Variants in MBOAT2 observed in about 807,000 individuals in gnomAD.
The protein encoded by MBOAT2 is membrane-bound glycerophospholipid O-acyltransferase 2.
Under a neutral mutation model 63.4 loss-of-function variants are expected in MBOAT2, and 28 were observed. That is an observed-to-expected ratio of 0.44 (90% CI 0.33 to 0.61). MBOAT2 has a LOEUF of 0.61. Ranked by LOEUF, MBOAT2 falls within the 20% of genes least tolerant of loss-of-function variation. MBOAT2 has a pLI of 0.03. For synonymous variants in MBOAT2, 211 were observed against 215.6 expected, an observed-to-expected ratio of 0.98 and a Z score of 0.19; for missense variants, 470 against 605.8, an observed-to-expected ratio of 0.78 and a Z score of 2.35.
At chr2:8,944,371 A>G (rs967242165) in intron 2 of MBOAT2, among the ~76,000 whole-genome samples, 2 of 152,198 alleles carry the variant, frequency 1.3e-5, no homozygotes, top group African/African-American at 2.4e-5. Flanking sequence ...AATTTAAAAT[A>G]AAATTTTCGA....
intron 4 of MBOAT2, among the ~76,000 whole-genome samples, chr2:8,893,848 C>T (rs531881411): frequency 5.9e-5 from 9 of 152,208 alleles, no homozygotes; most frequent in African/African-American, 2.2e-4. Context: ...CAAGGAGAGA[C>T]ACTGGGATAA....
chr2:8,949,108 T>G (rs375555461), intron 2 of MBOAT2, among the ~76,000 whole-genome samples: 4 of 152,244 alleles, frequency 2.6e-5, no homozygotes, highest in African/African-American at 9.6e-5. Context: ...AATTTTTTCA[T>G]GTTTGTTGAA....
chr2:8,988,647 T>G (rs1400810480), intron 1 of MBOAT2, among the ~76,000 whole-genome samples: 1 of 152,306 alleles, frequency 6.6e-6, no homozygotes, highest in East Asian at 1.9e-4. Context: ...TTGTTTAGTA[T>G]GCCAACATTA....
rs769534916 is a variant in MBOAT2, at chr2:8,854,207, G to A, written c.*4472C>T. ...CTAATCTTTCAAACTCAAATTTCAGGGTGTATTTCTCTCCTTAAATGCAAA... is the reference window on the plus strand; with the variant it reads ...CTAATCTTTCAAACTCAAATTTCAGAGTGTATTTCTCTCCTTAAATGCAAA... On this transcript the variant is annotated 3_prime_UTR_variant, in exon 13 of 13. Transcript: ENST00000305997. The A allele has an allele frequency of 6.6e-6, 1 of 151,996 alleles. No homozygotes were observed. Among genetic ancestry groups the A allele is most frequent in the Non-Finnish European group, 1.5e-5 (1 of 68,006 alleles). 9.4% of individuals were successfully genotyped at this position (151,996 alleles called of 1,614,324 possible).
intron 3 of MBOAT2, among the ~76,000 whole-genome samples, chr2:8,936,209 G>A (rs1301733604): frequency 6.6e-6 from 1 of 152,092 alleles, no homozygotes; most frequent in East Asian, 1.9e-4. Context: ...CTAGATCCCA[G>A]CATCAGCATA....
chr2:8,889,615 C>T (rs1663840874), intron 4 of MBOAT2, among the ~76,000 whole-genome samples: 1 of 152,186 alleles, frequency 6.6e-6, no homozygotes, highest in African/African-American at 2.4e-5. Flanking sequence ...ATTTCCATTT[C>T]CCTGGGGGAG....
Position 8,873,066 on chromosome 2 carries a change from G to A in MBOAT2, c.883+42C>T, listed in dbSNP as rs369306165. 211 of 1,563,614 alleles carry A rather than the reference G, an allele frequency of 1.3e-4. 2 individuals are homozygous for A. The Admixed American group carries it at 1.4e-3, about 11-fold the overall frequency. On this transcript the variant is annotated intron_variant, in intron 8 of 12. Coordinates refer to ENST00000305997, the MANE Select transcript of MBOAT2 (RefSeq NM_138799.4). ...GCAATCTATCGACAAGGTAAGAAAC[G>A]CTTCAACCAGACACAGGGAAATCTA...
chr2:8,972,251 A>G (rs1468880261), intron 1 of MBOAT2, among the ~76,000 whole-genome samples: 1 of 152,222 alleles, frequency 6.6e-6, no homozygotes, highest in Non-Finnish European at 1.5e-5. Flanking sequence ...AAACCTGACA[A>G]AAACAAGAAA....
At chr2:8,973,953 C>G (rs1266275450) in intron 1 of MBOAT2, among the ~76,000 whole-genome samples, 2 of 151,996 alleles carry the variant, frequency 1.3e-5, no homozygotes, top group African/African-American at 2.4e-5. Context: ...TACTGCAGCA[C>G]AGTGATAATA....
At chr2:8,896,008 C>T (rs530545400) in intron 4 of MBOAT2, among the ~76,000 whole-genome samples, 62 of 152,046 alleles carry the variant, frequency 4.1e-4, no homozygotes, top group African/African-American at 1.5e-3. Context: ...GAGGCCGAGG[C>T]GGGCGGATCA....
chr2:8,911,764 A>T (rs1462256711), intron 3 of MBOAT2, among the ~76,000 whole-genome samples: 1 of 152,126 alleles, frequency 6.6e-6, no homozygotes, highest in African/African-American at 2.4e-5. Context: ...AAGCAGCCTA[A>T]GGCCTTCACC....
intron 1 of MBOAT2, among the ~76,000 whole-genome samples, chr2:8,960,008 A>G (rs11891278): frequency 0.24 from 36,692 of 152,146 alleles, 7,088 homozygotes; most frequent in African/African-American, 0.54. Flanking sequence ...TCTCTTTCTC[A>G]CATATCAAGG....
intron 6 of MBOAT2, among the ~76,000 whole-genome samples, chr2:8,881,801 C>T (rs1241985697): frequency 1.3e-5 from 2 of 152,056 alleles, no homozygotes; most frequent in African/African-American, 2.4e-5. Flanking sequence ...AAGATGAATA[C>T]TTAGTGTAGT....
At position 8,873,229 on chromosome 2, in the gene MBOAT2, T is replaced by C. The variant is rs1314451915; in HGVS notation, c.762A>G (p.Leu254=). Residue 254 remains leucine, a synonymous_variant, in exon 8 of 13, where the codon TTA becomes TTG. Transcript: ENST00000305997. ...GCTCATCAATGTTGTACTCCACAGGTAATGTTGTACAGATGGTCAAGTGAA... is the reference window on the plus strand; with the variant it reads ...GCTCATCAATGTTGTACTCCACAGGCAATGTTGTACAGATGGTCAAGTGAA... ...LLFHLTICTT[L]PVEYNIDEHF... 3.7e-6 allele frequency: 6 copies of C among 1,614,168 alleles called. No individual in the cohort carries two copies. The highest frequency in any genetic ancestry group is 5.1e-6 in the Non-Finnish European group (6 of 1,180,000).
chr2:8,861,835 T>A (rs1661522088), intron 11 of MBOAT2, among the ~76,000 whole-genome samples: 1 of 152,158 alleles, frequency 6.6e-6, no homozygotes, highest in Non-Finnish European at 1.5e-5. Flanking sequence ...CATATACACC[T>A]TATCCCAAAT....
chr2:8,858,704 G>C lies in MBOAT2; in HGVS notation c.1538C>G (p.Ser513Trp), dbSNP rs574002894. 2.1e-5 allele frequency: 34 copies of C among 1,612,050 alleles called. No homozygotes were observed. In the African/African-American group the frequency reaches 2.7e-4, roughly 13 times the overall value. ...NVCNQNQEIA[S>W]RHSSLKQ ...TCACTGCTTTAGTGATGAATGTCTC[G>C]AGGCTATTTCTTGATTCTGATTGCA... Residue 513 changes from serine to tryptophan, a missense_variant, in exon 13 of 13, where the codon TCG becomes TGG. Transcript: ENST00000305997.
intron 2 of MBOAT2, among the ~76,000 whole-genome samples, chr2:8,943,593 A>G (rs1668203007): frequency 6.6e-6 from 1 of 152,222 alleles, no homozygotes; most frequent in Admixed American, 6.5e-5. Flanking sequence ...TATTTTAAAA[A>G]GTAATTAATA....
chr2:8,999,188 C>T (rs542119012), intron 1 of MBOAT2, among the ~76,000 whole-genome samples: 28 of 152,318 alleles, frequency 1.8e-4, no homozygotes, highest in African/African-American at 6.5e-4. Context: ...AATGAATGAC[C>T]CCTGTCCCTA....
Position 8,900,683 on chromosome 2 carries a change from G to A in MBOAT2, c.395+7938C>T, listed in dbSNP as rs575155054. 9.2e-5 allele frequency among the ~76,000 whole-genome samples: 14 copies of A among 152,234 alleles called. No individual in the cohort carries two copies. The South Asian group carries it at 1.5e-3, about 16-fold the overall frequency. On this transcript the variant is annotated intron_variant, in intron 4 of 12. Transcript: ENST00000305997. ...AGCTATAGGGAGGCTAGGATATGGC[G>A]GTAAGCTGAAAGGTCCTCCTGTGGG...
Sources: allele counts gnomAD v4.1 joint callset (sites outside exome capture counted in the v4.1 genomes callset), GRCh38; gene constraint gnomAD v4.1.1; transcripts MANE v1.5; gene names NCBI Gene and HGNC (gene_info 2026-07-23, HGNC 2026-07-21).